CNBD1: variants seen among roughly 807,000 people sequenced by gnomAD.
The protein encoded by CNBD1 is cyclic nucleotide binding domain containing 1.
A neutral mutation model predicts 54.4 loss-of-function variants in CNBD1; 71 were observed. The observed-to-expected ratio is 1.30, with a 90% CI of 1.08 to 1.59. The LOEUF (loss-of-function observed/expected upper bound fraction) is 1.59. Ranked by LOEUF, CNBD1 falls within the 40% of genes most tolerant of loss-of-function variation. The probability of loss-of-function intolerance (pLI) is 0.00; values close to 1 mark genes in which losing one functional copy is unlikely to be tolerated. For missense variants in CNBD1, 659 were observed against 518.0 expected (o/e 1.27, Z -2.64); for synonymous variants, 182 against 170.7 (o/e 1.07, Z -0.51).
intron 2 of CNBD1, among the ~76,000 whole-genome samples, chr8:87,425,219 CT>C (rs1039548273): frequency 6.6e-5 from 10 of 152,058 alleles, no homozygotes; most frequent in Admixed American, 2.0e-4. Context: ...GTTATACATT[CT>C]TCTAAATTTT....
At chr8:86,977,985 C>T (rs1430098013) in intron 4 of CNBD1, among the ~76,000 whole-genome samples, 2 of 152,062 alleles carry the variant, frequency 1.3e-5, no homozygotes, top group Non-Finnish European at 2.9e-5. Flanking sequence ...AAATACTCAA[C>T]AATATACTAG....
chr8:87,375,435 G>A (rs1035949416), intron 10 of CNBD1, among the ~76,000 whole-genome samples: 2 of 151,730 alleles, frequency 1.3e-5, no homozygotes, highest in African/African-American at 2.4e-5. Flanking sequence ...CCCACCAAGA[G>A]TTAATAGAAC....
chr8:87,159,163 CTG>C, intron 4 of CNBD1, among the ~76,000 whole-genome samples: 1 of 152,230 alleles, frequency 6.6e-6, no homozygotes, highest in Non-Finnish European at 1.5e-5. Context: ...AAGGTTAATA[CTG>C]AATTTCAAAT....
chr8:87,241,322 G>C (rs942690009), intron 6 of CNBD1, among the ~76,000 whole-genome samples: 2 of 140,874 alleles, frequency 1.4e-5, no homozygotes, highest in African/African-American at 5.5e-5. Flanking sequence ...CCAGGCTGGA[G>C]TGCAGTGGCG....
At chr8:87,190,843 A>ATAGATACATGTACATGT (rs1813586195) in intron 4 of CNBD1, among the ~76,000 whole-genome samples, 1 of 150,860 alleles carries the variant, frequency 6.6e-6, no homozygotes, top group Admixed American at 6.6e-5. Context: ...ATATGTAGAT[A>ATAGATACATGTACATGT]TAGATACATG....
chr8:87,240,691 C>T (rs1336565458), intron 6 of CNBD1, among the ~76,000 whole-genome samples: 4 of 152,090 alleles, frequency 2.6e-5, no homozygotes, highest in African/African-American at 4.8e-5. Context: ...TGGCTCTTTC[C>T]AGTCAGGAAA....
At chr8:87,286,885 C>T (rs1808710226) in intron 8 of CNBD1, among the ~76,000 whole-genome samples, 1 of 152,028 alleles carries the variant, frequency 6.6e-6, no homozygotes. Flanking sequence ...CAGGACTAAC[C>T]TTACTTTTAA....
intron 8 of CNBD1, among the ~76,000 whole-genome samples, chr8:87,318,395 T>C (rs1405133988): frequency 6.6e-6 from 1 of 152,124 alleles, no homozygotes; most frequent in Non-Finnish European, 1.5e-5. Flanking sequence ...GCTTTTAATC[T>C]TTCTCAGGCA....
At chr8:87,207,625 G>A (rs1814004295) in intron 5 of CNBD1, among the ~76,000 whole-genome samples, 1 of 151,976 alleles carries the variant, frequency 6.6e-6, no homozygotes, top group Non-Finnish European at 1.5e-5. Flanking sequence ...ATATATTTGA[G>A]TTGGTTTTAT....
intron 3 of CNBD1, among the ~76,000 whole-genome samples, chr8:86,907,674 A>G (rs1809038429): frequency 6.6e-6 from 1 of 152,014 alleles, no homozygotes; most frequent in Non-Finnish European, 1.5e-5. Flanking sequence ...CTAAAAAAAA[A>G]ACAAAAACAA....
chr8:87,029,042 G>A (rs969504363), intron 4 of CNBD1, among the ~76,000 whole-genome samples: 12 of 152,116 alleles, frequency 7.9e-5, no homozygotes, highest in African/African-American at 2.4e-4. Context: ...AATGCTTTTA[G>A]CATTATTTAA....
rs535485996 is a variant in CNBD1 at position 86,909,446 on chromosome 8, G to C, written c.272+4252G>C. On this transcript the variant is annotated intron_variant, in intron 3 of 10. Transcript: ENST00000518476. ...TTCCTGAGAATAGTGCAGTTAAAGG[G>C]AATTTGGTAAATAGTTTACATTTTT... Among the ~76,000 whole-genome samples the C allele has an allele frequency of 2.0e-5, 3 of 152,258 alleles. No homozygotes were observed. In the South Asian group the frequency reaches 6.2e-4, roughly 32 times the overall value.
At chr8:86,998,614 T>C (rs966670869) in intron 4 of CNBD1, among the ~76,000 whole-genome samples, 1 of 152,150 alleles carries the variant, frequency 6.6e-6, no homozygotes, top group Non-Finnish European at 1.5e-5. Flanking sequence ...GGGCTACAAA[T>C]AAATTTTAGA....
intron 4 of CNBD1, among the ~76,000 whole-genome samples, chr8:87,095,084 T>A (rs534002447): frequency 1.6e-4 from 24 of 152,184 alleles, no homozygotes; most frequent in Non-Finnish European, 3.2e-4. Context: ...GAGATGCCTA[T>A]AACCTACTAA....
intron 3 of CNBD1, among the ~76,000 whole-genome samples, chr8:86,937,380 T>G (rs982685065): frequency 6.6e-6 from 1 of 152,148 alleles, no homozygotes; most frequent in African/African-American, 2.4e-5. Flanking sequence ...TCATTCTGAC[T>G]CTGGCCCCTC....
rs1488076865 is a variant in CNBD1, at chr8:87,388,780, C to T, written c.213+34994C>T. Among the ~76,000 whole-genome samples, 5 of 152,092 alleles carry T rather than the reference C, an allele frequency of 3.3e-5. No homozygotes were observed. The East Asian group carries it at 5.8e-4, about 18-fold the overall frequency. ...GCCTACATTATCCTGATACCAAAGC[C>T]GGGCAGAGACACAACAAAAAAAGAC... On this transcript the variant is annotated intron_variant, in intron 2 of 7. Coordinates refer to the CNBD1 transcript ENST00000521593.
At chr8:87,112,647 A>T (rs1486511364) in intron 4 of CNBD1, among the ~76,000 whole-genome samples, 3 of 152,186 alleles carry the variant, frequency 2.0e-5, no homozygotes, top group South Asian at 2.1e-4. Flanking sequence ...AACACCAATG[A>T]TAACACATAC....
In CNBD1 at chr8:87,247,793, G is replaced by A. The variant is rs144565602; in HGVS notation, c.771+10681G>A. ...GATGTGAGTTAAGGGCATTTAATGC[G>A]GTTGATACTTTTAATCACATCCTGC... On this transcript the variant is annotated intron_variant, in intron 6 of 10. Coordinates refer to ENST00000518476, the MANE Select transcript of CNBD1 (RefSeq NM_173538.3). Among the ~76,000 whole-genome samples the A allele has an allele frequency of 2.1e-3, 318 of 152,224 alleles. 2 individuals are homozygous for A. The highest frequency in any genetic ancestry group is 0.013 in the South Asian group (61 of 4,834).
chr8:87,044,648 G>C (rs1810143756), intron 4 of CNBD1: 2 of 152,128 alleles, frequency 1.3e-5, no homozygotes, highest in Admixed American at 1.3e-4. Flanking sequence ...CATCTTTACA[G>C]CTGTGGGATG....
Sources: gnomAD v4.1 joint callset for allele counts (sites outside exome capture counted in the v4.1 genomes callset) on GRCh38, gnomAD v4.1.1 for gene constraint, MANE v1.5 for transcripts, NCBI Gene and HGNC (gene_info 2026-07-23, HGNC 2026-07-21) for gene names.